APP: variants seen among roughly 807,000 people sequenced by gnomAD.
APP encodes amyloid beta precursor protein, also known as amyloid-beta precursor protein.
A neutral mutation model predicts 101.4 loss-of-function variants in APP; 31 were observed. The observed-to-expected ratio is 0.31, with a 90% CI of 0.23 to 0.41. The LOEUF (loss-of-function observed/expected upper bound fraction) is 0.41, where lower values mean the gene tolerates loss of function less well. APP is among the 10% of genes least tolerant of loss of function. APP has a pLI of 1.00. For synonymous variants in APP, 366 were observed against 364.4 expected (o/e 1.00, Z -0.05); for missense variants, 839 against 1,003.7 (o/e 0.84, Z 2.22).
intron 13 of APP, chr21:25,935,027 CA>C (rs1043693232): frequency 6.6e-6 from 1 of 152,210 alleles, no homozygotes; most frequent in Non-Finnish European, 1.5e-5. Flanking sequence ...GCCTCAGTTT[CA>C]AACACTTTGT....
At chr21:25,926,429 G>A (rs2039900628) in intron 13 of APP, among the ~76,000 whole-genome samples, 1 of 152,184 alleles carries the variant, frequency 6.6e-6, no homozygotes, top group South Asian at 2.1e-4. Flanking sequence ...AGCCATCTGC[G>A]ATGCCAAAGC....
chr21:26,154,195 G>A (rs1297627677), intron 1 of APP, among the ~76,000 whole-genome samples: 1 of 152,160 alleles, frequency 6.6e-6, no homozygotes, highest in Non-Finnish European at 1.5e-5. Flanking sequence ...AACAAGGGGA[G>A]GTAAATGAAA....
chr21:26,126,534 C>A (rs888171727), intron 1 of APP, among the ~76,000 whole-genome samples: 1 of 152,054 alleles, frequency 6.6e-6, no homozygotes, highest in Admixed American at 6.6e-5. Context: ...CTACATGGGT[C>A]CTAGGCCACT....
chr21:26,030,005 C>A (rs533071718), intron 5 of APP, among the ~76,000 whole-genome samples: 2 of 152,248 alleles, frequency 1.3e-5, no homozygotes, highest in African/African-American at 4.8e-5. Flanking sequence ...AGCACTAAAG[C>A]CCAGCTTTTG....
intron 17 of APP, among the ~76,000 whole-genome samples, chr21:25,886,428 C>G (rs946610300): frequency 1.3e-5 from 2 of 151,724 alleles, no homozygotes; most frequent in African/African-American, 4.8e-5. Flanking sequence ...CAGTCTTGCT[C>G]TGTCACCCAG....
chr21:26,149,399 C>CTACA (rs2063216595), intron 1 of APP, among the ~76,000 whole-genome samples: 1 of 152,194 alleles, frequency 6.6e-6, no homozygotes, highest in Admixed American at 6.5e-5. Context: ...ATAGAATGAG[C>CTACA]TACATACAGT....
intron 3 of APP, among the ~76,000 whole-genome samples, chr21:26,063,059 C>T (rs1049946114): frequency 6.6e-6 from 1 of 152,146 alleles, no homozygotes; most frequent in African/African-American, 2.4e-5. Context: ...CCACTGTACC[C>T]AGCCTGGGTT....
chr21:25,909,699 C>T (rs769582857), intron 14 of APP, among the ~76,000 whole-genome samples: 15 of 152,142 alleles, frequency 9.9e-5, no homozygotes, highest in East Asian at 1.9e-4. Context: ...AAAATGAGAT[C>T]GGACATTTTT....
At chr21:26,078,812 G>A (rs1373021371) in intron 3 of APP, among the ~76,000 whole-genome samples, 3 of 152,148 alleles carry the variant, frequency 2.0e-5, no homozygotes, top group Non-Finnish European at 1.5e-5. Flanking sequence ...TTGGGAGGCC[G>A]AGGCGCGGAT....
chr21:25,992,089 A>G (rs1157132687), intron 8 of APP, among the ~76,000 whole-genome samples: 1 of 152,228 alleles, frequency 6.6e-6, no homozygotes, highest in Non-Finnish European at 1.5e-5. Flanking sequence ...AAATTATCAA[A>G]AATACTGTAT....
chr21:26,120,075 G>C (rs949841369), intron 1 of APP, among the ~76,000 whole-genome samples: 44 of 152,196 alleles, frequency 2.9e-4, no homozygotes, highest in African/African-American at 1.0e-3. Flanking sequence ...AGCTAAGCCG[G>C]GATCAGCTGA....
intron 13 of APP, chr21:25,928,678 T>A (rs562404674): frequency 1.2e-4 from 18 of 152,184 alleles, no homozygotes; most frequent in Non-Finnish European, 2.4e-4. Context: ...TTACATCATA[T>A]GCCCATTAAT....
At chr21:25,943,914 G>A (rs754809313) in intron 13 of APP, among the ~76,000 whole-genome samples, 4 of 152,036 alleles carry the variant, frequency 2.6e-5, no homozygotes, top group East Asian at 1.9e-4. Flanking sequence ...CAATTAAATC[G>A]CATGTATAAA....
intron 15 of APP, among the ~76,000 whole-genome samples, chr21:25,904,000 G>C (rs869197523): frequency 6.6e-6 from 1 of 152,230 alleles, no homozygotes; most frequent in Non-Finnish European, 1.5e-5. Flanking sequence ...GGGTCTCCTG[G>C]TCTGCTGCTG....
At chr21:26,016,598 G>C (rs184043667) in intron 6 of APP, among the ~76,000 whole-genome samples, 1 of 151,984 alleles carries the variant, frequency 6.6e-6, no homozygotes, top group Non-Finnish European at 1.5e-5. Context: ...TTGAGACGAA[G>C]TTTCGCTCTG....
At chr21:26,108,748 G>A (rs2062242220) in intron 2 of APP, among the ~76,000 whole-genome samples, 1 of 152,070 alleles carries the variant, frequency 6.6e-6, no homozygotes, top group African/African-American at 2.4e-5. Flanking sequence ...TCCCGGCGTG[G>A]TGGCAGGCGC....
chr21:26,154,049 C>T (rs2146352148), intron 1 of APP, among the ~76,000 whole-genome samples: 1 of 152,324 alleles, frequency 6.6e-6, no homozygotes, highest in African/African-American at 2.4e-5. Flanking sequence ...AGGCAGTAAG[C>T]TTTCCACATT....
intron 5 of APP, among the ~76,000 whole-genome samples, chr21:26,035,374 C>G (rs1423661928): frequency 6.6e-6 from 1 of 151,904 alleles, no homozygotes; most frequent in Non-Finnish European, 1.5e-5. Context: ...TCTGTCAGCC[C>G]GGGGGTTAGC....
At chr21:26,037,430 A>C (rs568255214) in intron 5 of APP, among the ~76,000 whole-genome samples, 26 of 151,886 alleles carry the variant, frequency 1.7e-4, no homozygotes, top group Admixed American at 1.7e-3. Context: ...GATCAGTCTG[A>C]TCTGATCACT....
Sources: gnomAD v4.1 joint callset for allele counts (sites outside exome capture counted in the v4.1 genomes callset) on GRCh38, gnomAD v4.1.1 for gene constraint, MANE v1.5 for transcripts, NCBI Gene and HGNC (gene_info 2026-07-23, HGNC 2026-07-21) for gene names.